PCDHGA9: variants seen among roughly 807,000 people sequenced by gnomAD.
PCDHGA9 encodes the protein protocadherin gamma subfamily A, 9, also known as protocadherin gamma-A9.
PCDHGA9 carries 37 observed loss-of-function variants against 62.5 expected under a neutral mutation model. The ratio of observed to expected loss-of-function variants is 0.59; its 90% CI spans 0.46 to 0.78. The LOEUF (loss-of-function observed/expected upper bound fraction) is 0.78, where lower values mean the gene tolerates loss of function less well. Among genes scored for constraint, PCDHGA9 ranks in the 30% least tolerant of loss-of-function variants. The pLI is 0.00. For synonymous variants in PCDHGA9, 459 were observed against 484.6 expected, an observed-to-expected ratio of 0.95 and a Z score of 0.69; for missense variants, 1,138 against 1,166.2, an observed-to-expected ratio of 0.98 and a Z score of 0.35.
chr5:141,463,446 T>TC, intron 1 of PCDHGA9, among the ~76,000 whole-genome samples: 1 of 125,012 alleles, frequency 8.0e-6, no homozygotes, highest in Non-Finnish European at 1.7e-5. Flanking sequence ...TCCTTTTTTT[T>TC]TTTTTTTTTT....
chr5:141,469,697 T>G (rs2154570403), intron 1 of PCDHGA9, among the ~76,000 whole-genome samples: 1 of 152,392 alleles, frequency 6.6e-6, no homozygotes, highest in African/African-American at 2.4e-5. Context: ...TCCTATGACC[T>G]AGTAATCACA....
At chr5:141,445,900 T>C (rs2098480876) in intron 1 of PCDHGA9, among the ~76,000 whole-genome samples, 1 of 152,224 alleles carries the variant, frequency 6.6e-6, no homozygotes, top group African/African-American at 2.4e-5. Flanking sequence ...TATTAAAATA[T>C]TTTAAACAAG....
Position 141,419,025 on chromosome 5 carries a change from G to T in PCDHGA9, c.2424+13649G>T, listed in dbSNP as rs2096315076. 6.2e-6 allele frequency: 10 copies of T among 1,613,736 alleles called. No homozygotes were observed. In the East Asian group the frequency reaches 2.0e-4, roughly 32 times the overall value. On this transcript the variant is annotated intron_variant, in intron 1 of 3. Transcript: ENST00000573521. ...GAAGTCAGGTGTAGCTTAAGTAGAG[G>T]TGTTCCATTTAAGATTCATTCTTCT...
chr5:141,427,887 C>G, intron 1 of PCDHGA9: 1 of 1,565,908 alleles, frequency 6.4e-7, no homozygotes, highest in South Asian at 1.1e-5. Flanking sequence ...GGCCCACGAC[C>G]AGGGCTCGCC....
chr5:141,407,704 T>C (rs977444941), intron 1 of PCDHGA9, among the ~76,000 whole-genome samples: 5 of 152,144 alleles, frequency 3.3e-5, no homozygotes, highest in Admixed American at 1.3e-4. Context: ...TTGTTGAAGG[T>C]GGGGTGATGG....
At chr5:141,506,993 C>T (rs781663602) in intron 3 of PCDHGA9, 18 of 152,184 alleles carry the variant, frequency 1.2e-4, no homozygotes, top group Non-Finnish European at 1.8e-4. Context: ...TTCTCACACT[C>T]GACAGATGAG....
At chr5:141,505,154 C>T (rs1443235547) in intron 2 of PCDHGA9, among the ~76,000 whole-genome samples, 2 of 152,028 alleles carry the variant, frequency 1.3e-5, no homozygotes, top group Non-Finnish European at 2.9e-5. Flanking sequence ...AGAGTAAGAC[C>T]CTGTCTAAAA....
intron 1 of PCDHGA9, among the ~76,000 whole-genome samples, chr5:141,464,888 GCCACCATGT>G (rs1351812446): frequency 6.6e-6 from 1 of 152,000 alleles, no homozygotes; most frequent in East Asian, 1.9e-4. Context: ...ACAGATGGAT[GCCACCATGT>G]CCAGCTAATT....
At chr5:141,502,472 A>T (rs1450967250) in intron 2 of PCDHGA9, among the ~76,000 whole-genome samples, 1 of 150,886 alleles carries the variant, frequency 6.6e-6, no homozygotes, top group Non-Finnish European at 1.5e-5. Flanking sequence ...TACTTCCCGC[A>T]GCATCACACT....
intron 1 of PCDHGA9, among the ~76,000 whole-genome samples, chr5:141,467,707 G>A (rs1203906639): frequency 6.6e-6 from 1 of 152,140 alleles, no homozygotes; most frequent in Non-Finnish European, 1.5e-5. Flanking sequence ...TGTTGCCCAG[G>A]CTGGAGTGTA....
intron 1 of PCDHGA9, chr5:141,410,413 TG>T: frequency 6.2e-7 from 1 of 1,614,056 alleles, no homozygotes; most frequent in Non-Finnish European, 8.5e-7. Flanking sequence ...AGTCTGGACC[TG>T]TAGTTCCCCC....
chr5:141,418,908 C>G, intron 1 of PCDHGA9: 3 of 1,613,932 alleles, frequency 1.9e-6, no homozygotes, highest in Non-Finnish European at 2.5e-6. Flanking sequence ...ATAATCATCA[C>G]GTCACTCTCT....
At position 141,431,968 on chromosome 5, in the gene PCDHGA9, T is replaced by A. The variant is rs571981127; in HGVS notation, c.2424+26592T>A. On this transcript the variant is annotated intron_variant, in intron 1 of 3. Coordinates refer to ENST00000573521, the MANE Select transcript of PCDHGA9 (RefSeq NM_018921.3). The surrounding 1 kb of genome is among the most constrained non-coding windows in gnomAD (Gnocchi z 4.8). Reference sequence around the variant, plus strand: ...AAAAATCTTACGGAAATTACTATAGTTTAGTCACAGACATAGTCTTGGATA... The same window carrying A: ...AAAAATCTTACGGAAATTACTATAGATTAGTCACAGACATAGTCTTGGATA... 1.9e-6 allele frequency: 3 copies of A among 1,614,072 alleles called. No individual in the cohort carries two copies. Among genetic ancestry groups the A allele is most frequent in the Non-Finnish European group, 2.5e-6 (3 of 1,180,014 alleles).
Position 141,485,955 on chromosome 5 carries a change from T to C in PCDHGA9, c.2425-8852T>C. 1 of 1,614,152 alleles carries C rather than the reference T, an allele frequency of 6.2e-7. No homozygotes were observed. Among genetic ancestry groups the C allele is most frequent in the Non-Finnish European group, 8.5e-7 (1 of 1,180,018 alleles). On this transcript the variant is annotated intron_variant, in intron 1 of 3. Transcript: ENST00000573521. This position sits in a 1 kb window ranked among gnomAD's most constrained non-coding sequence, Gnocchi z 5.7. ...GAGAGCGCACCAGCGGGCATGGTGC[T>C]CATCCAGCTCAATGCCTCAGACCCG...
chr5:141,492,719 C>A (rs1367632029), intron 1 of PCDHGA9, among the ~76,000 whole-genome samples: 1 of 152,280 alleles, frequency 6.6e-6, no homozygotes, highest in Non-Finnish European at 1.5e-5. Context: ...AGCAGGCGGA[C>A]AGGCAGAGCT....
intron 1 of PCDHGA9, among the ~76,000 whole-genome samples, chr5:141,457,537 T>C (rs967428207): frequency 6.6e-6 from 1 of 152,228 alleles, no homozygotes; most frequent in Non-Finnish European, 1.5e-5. Context: ...TAGGGTTTAA[T>C]GACAAATGTA....
intron 1 of PCDHGA9, chr5:141,410,442 C>G (rs1444532577): frequency 6.2e-7 from 1 of 1,613,942 alleles, no homozygotes; most frequent in Admixed American, 1.7e-5. Context: ...AGTGAGGGGA[C>G]TTTGCCTTAT....
At chr5:141,421,435 A>G (rs775839500) in intron 1 of PCDHGA9, 3 of 1,614,108 alleles carry the variant, frequency 1.9e-6, no homozygotes, top group East Asian at 4.5e-5. Context: ...CATCGTCTCC[A>G]GAGGGAAGAC....
chr5:141,494,778 C>CA, intron 1 of PCDHGA9, 29 bp from the exon 2 acceptor site: 1 of 1,614,086 alleles, frequency 6.2e-7, no homozygotes, highest in Non-Finnish European at 8.5e-7. Context: ...CACGGGTACT[C>CA]AGCCCCTTTC....
Sources: gnomAD v4.1 joint callset for allele counts (sites outside exome capture counted in the v4.1 genomes callset) on GRCh38, gnomAD v4.1.1 for gene constraint, Gnocchi (gnomAD v3.1) non-coding constraint, MANE v1.5 for transcripts, NCBI Gene and HGNC (gene_info 2026-07-23, HGNC 2026-07-21) for gene names.